DNAH11: variants seen among roughly 807,000 people sequenced by gnomAD.
The protein encoded by DNAH11 is dynein axonemal heavy chain 11, also known as axonemal beta dynein heavy chain 11.
A neutral mutation model predicts 526.0 loss-of-function variants in DNAH11; 442 were observed. That is an observed-to-expected ratio of 0.84 (90% CI 0.78 to 0.91). The LOEUF (loss-of-function observed/expected upper bound fraction) is 0.91. Ranked by LOEUF, DNAH11 falls within the 40% of genes least tolerant of loss-of-function variation. The probability of loss-of-function intolerance (pLI) is 0.00; values close to 1 mark genes in which losing one functional copy is unlikely to be tolerated. For synonymous variants in DNAH11, 2,461 were observed against 1,935.9 expected (o/e 1.27, Z -7.12); for missense variants, 6,989 against 5,448.7 (o/e 1.28, Z -8.90).
At chr7:21,588,760 T>A (rs1461775116) in intron 11 of DNAH11, 124 bp downstream of exon 11, 13 of 1,180,626 alleles carry the variant, frequency 1.1e-5, no homozygotes, top group Non-Finnish European at 1.6e-5. Flanking sequence ...CTCTCACTGG[T>A]TGGGTTTGTG....
At chr7:21,627,719 C>G (rs932881681) in intron 25 of DNAH11, among the ~76,000 whole-genome samples, 4 of 152,128 alleles carry the variant, frequency 2.6e-5, no homozygotes, top group Non-Finnish European at 5.9e-5. Context: ...TTTGATGCCT[C>G]TAGCTTTGTT....
chr7:21,746,970 C>T (rs752856781), intron 51 of DNAH11, among the ~76,000 whole-genome samples: 1 of 152,114 alleles, frequency 6.6e-6, no homozygotes, highest in Non-Finnish European at 1.5e-5. Flanking sequence ...TCCCTCAATA[C>T]AGAATTTTCA....
At position 21,705,550 on chromosome 7, in the gene DNAH11, G is replaced by C. The variant is rs773063717; in HGVS notation, c.6546+13G>C. On this transcript the variant is annotated intron_variant, in intron 39 of 81. Coordinates refer to ENST00000409508, the MANE Select transcript of DNAH11 (RefSeq NM_001277115.2). ...AGGAAAGAGTAAGGTATAGTAAATTGCCTAATAGCTTACAGCTATGGAAAG... is the reference window on the plus strand; with the variant it reads ...AGGAAAGAGTAAGGTATAGTAAATTCCCTAATAGCTTACAGCTATGGAAAG... 1.9e-6 allele frequency: 3 copies of C among 1,611,456 alleles called. No individual in the cohort carries two copies. The highest frequency in any genetic ancestry group is 1.7e-5 in the Admixed American group (1 of 59,954).
At chr7:21,580,307 G>T (rs1784261839) in intron 8 of DNAH11, among the ~76,000 whole-genome samples, 1 of 152,196 alleles carries the variant, frequency 6.6e-6, no homozygotes, top group Admixed American at 6.5e-5. Flanking sequence ...AACTTGTTGG[G>T]AAGTTGTGTT....
chr7:21,870,276 C>G (rs1783446006), intron 73 of DNAH11, among the ~76,000 whole-genome samples: 1 of 152,150 alleles, frequency 6.6e-6, no homozygotes, highest in Admixed American at 6.5e-5. Context: ...TCTCCAGTAT[C>G]CAGGCTCGGT....
intron 28 of DNAH11, among the ~76,000 whole-genome samples, chr7:21,652,494 G>A (rs551503435): frequency 9.7e-4 from 147 of 152,310 alleles, no homozygotes; most frequent in Non-Finnish European, 1.8e-3. Flanking sequence ...TTTCTGCAAC[G>A]AAGACTGTTT....
Position 21,884,380 on chromosome 7 carries a change from G to A in DNAH11, c.12477G>A (p.Val4159=), listed in dbSNP as rs1784043668. 6.2e-7 allele frequency: 1 copy of A among 1,612,658 alleles called. No individual in the cohort carries two copies. The highest frequency in any genetic ancestry group is 8.5e-7 in the Non-Finnish European group (1 of 1,179,276). The change falls in exon 76 of 82, where the codon GTG becomes GTA. Residue 4159 remains valine (V), a synonymous_variant. Transcript: ENST00000409508. The stretch of plus-strand genomic sequence containing the variant: ...ACTGGGATCGCAAACTGTGTCGGGT[G>A]TATTTAGAAGAATTCATGAATCCAT... ...TDDWDRKLCR[V]YLEEFMNPSL... is the part of the protein sequence containing the mutation.
chr7:21,857,765 G>A (rs1328974449), intron 68 of DNAH11, among the ~76,000 whole-genome samples: 1 of 151,808 alleles, frequency 6.6e-6, no homozygotes, highest in Non-Finnish European at 1.5e-5. Flanking sequence ...TGGAGCAATT[G>A]GATATCCACA....
chr7:21,712,407 TA>T (rs1450803853), intron 42 of DNAH11, among the ~76,000 whole-genome samples: 2 of 152,232 alleles, frequency 1.3e-5, no homozygotes, highest in Non-Finnish European at 2.9e-5. Flanking sequence ...GAAGAATTTC[TA>T]GATCATATGT....
chr7:21,791,039 G>A (rs933354878), intron 61 of DNAH11, among the ~76,000 whole-genome samples: 1 of 152,220 alleles, frequency 6.6e-6, no homozygotes, highest in Non-Finnish European at 1.5e-5. Flanking sequence ...AGCTCAGGCA[G>A]GAGCAGTCAT....
At chr7:21,883,369 C>T (rs1303208015) in intron 75 of DNAH11, among the ~76,000 whole-genome samples, 1 of 152,156 alleles carries the variant, frequency 6.6e-6, no homozygotes, top group Non-Finnish European at 1.5e-5. Flanking sequence ...GGCTTCAAAC[C>T]CTGCTCAGCC....
chr7:21,812,149 C>T (rs1480145879), intron 63 of DNAH11, among the ~76,000 whole-genome samples: 1 of 152,108 alleles, frequency 6.6e-6, no homozygotes, highest in Admixed American at 6.5e-5. Context: ...TCTACATGGG[C>T]ACTGAGGTTG....
Position 21,687,154 on chromosome 7 carries a change from G to T in DNAH11, c.5677G>T (p.Gly1893Cys), listed in dbSNP as rs1280169321. Residue 1893 changes from glycine (G) to cysteine (C), a missense_variant, in exon 33 of 82, where the codon GGC becomes TGC. Coordinates refer to ENST00000409508, the MANE Select transcript of DNAH11 (RefSeq NM_001277115.2). The stretch of plus-strand genomic sequence containing the variant: ...TCTAACCATGAGTGGGGCTCCTGCT[G>T]GCCCAGCTGGTACCGGGAAAACAGA... ...LHLTMSGAPAGPAGTGKTETT... is the reference protein window; with the variant it reads ...LHLTMSGAPACPAGTGKTETT... The T allele has an allele frequency of 6.2e-7, 1 of 1,613,330 alleles. No homozygotes were observed. Among genetic ancestry groups the T allele is most frequent in the Non-Finnish European group, 8.5e-7 (1 of 1,179,628 alleles).
At chr7:21,849,236 T>C (rs980887958) in intron 66 of DNAH11, among the ~76,000 whole-genome samples, 24 of 152,220 alleles carry the variant, frequency 1.6e-4, no homozygotes, top group African/African-American at 5.5e-4. Context: ...TGCAGTTATC[T>C]TTTAATAGAC....
intron 36 of DNAH11, among the ~76,000 whole-genome samples, chr7:21,699,286 G>T (rs538235374): frequency 6.6e-6 from 1 of 152,078 alleles, no homozygotes; most frequent in African/African-American, 2.4e-5. Flanking sequence ...AAATGGGTCA[G>T]ATTTACATAC....
intron 28 of DNAH11, among the ~76,000 whole-genome samples, chr7:21,652,071 C>T (rs976468018): frequency 3.3e-5 from 5 of 152,032 alleles, no homozygotes; most frequent in African/African-American, 1.2e-4. Context: ...ATGCTAGAAG[C>T]AAAAATGGAA....
chr7:21,721,355 T>C (rs1784867921), intron 44 of DNAH11, among the ~76,000 whole-genome samples: 1 of 152,200 alleles, frequency 6.6e-6, no homozygotes, highest in South Asian at 2.1e-4. Flanking sequence ...CCCTATTCCC[T>C]CTTCTCCATC....
At chr7:21,762,639 C>G (rs534121850) in intron 54 of DNAH11, among the ~76,000 whole-genome samples, 47 of 152,212 alleles carry the variant, frequency 3.1e-4, no homozygotes, top group African/African-American at 9.4e-4. Flanking sequence ...TCGTTTGTAA[C>G]TAGAGTTTTA....
chr7:21,594,797 C>T (rs1284266929), intron 14 of DNAH11, among the ~76,000 whole-genome samples: 1 of 152,066 alleles, frequency 6.6e-6, no homozygotes, highest in Non-Finnish European at 1.5e-5. Context: ...AGACGCTAAG[C>T]TGCGTGGTGA....
Sources: allele counts gnomAD v4.1 joint callset (sites outside exome capture counted in the v4.1 genomes callset), GRCh38; gene constraint gnomAD v4.1.1; transcripts MANE v1.5; gene names NCBI Gene and HGNC (gene_info 2026-07-23, HGNC 2026-07-21).